The following PCLO variants were observed in gnomAD, a reference collection of about 807,000 sequenced individuals.
The protein encoded by PCLO is protein piccolo.
PCLO carries 82 observed loss-of-function variants against 427.5 expected under a neutral mutation model. That is an observed-to-expected ratio of 0.19 (90% CI 0.16 to 0.23). The LOEUF is 0.23. Among genes scored for constraint, PCLO ranks in the 10% least tolerant of loss-of-function variants. PCLO has a pLI of 1.00. For synonymous variants in PCLO, 2,357 were observed against 2,155.4 expected, an observed-to-expected ratio of 1.09 and a Z score of -2.59; for missense variants, 6,239 against 6,115.9, an observed-to-expected ratio of 1.02 and a Z score of -0.67.
chr7:82,771,614 T>C (rs1790648735), intron 22 of PCLO, among the ~76,000 whole-genome samples: 1 of 151,978 alleles, frequency 6.6e-6, no homozygotes, highest in African/African-American at 2.4e-5. Context: ...ACCCTCACTT[T>C]AAAAAAAGGA....
intron 10 of PCLO, among the ~76,000 whole-genome samples, chr7:82,850,582 A>G (rs1352292026): frequency 2.0e-5 from 3 of 152,142 alleles, no homozygotes; most frequent in Non-Finnish European, 4.4e-5. Context: ...TTCTTGATCT[A>G]TATTTAATAT....
chr7:82,897,487 C>T (rs969640915), intron 9 of PCLO, among the ~76,000 whole-genome samples: 1 of 151,480 alleles, frequency 6.6e-6, no homozygotes, highest in African/African-American at 2.4e-5. Flanking sequence ...TGTGTGTATA[C>T]ACACACATAC....
In PCLO at chr7:83,004,655, A is replaced by G. The variant is rs1222298179; in HGVS notation, c.3301-38168T>C. Among the ~76,000 whole-genome samples the G allele has an allele frequency of 3.3e-5, 5 of 151,712 alleles. No individual in the cohort carries two copies. The Admixed American group carries it at 3.3e-4, about 10-fold the overall frequency. ...ACACTAAAAAACATAACACTAAAAA[A>G]CAAAAGCAAAGTAAACAAGTTGACT... On this transcript the variant is annotated intron_variant, in intron 3 of 24. Transcript: ENST00000333891.
chr7:82,853,465 C>T lies in PCLO; in HGVS notation c.13655-6218G>A, dbSNP rs142403613. Among the ~76,000 whole-genome samples the T allele has an allele frequency of 1.0e-3, 153 of 151,998 alleles. 3 individuals are homozygous for T. The East Asian group carries it at 0.027, about 26-fold the overall frequency. ...CTAGGACACTGTTTCTTGAGATGTA[C>T]TGGAAGGAAGGTACTCTGAATTTCC... is the stretch of plus-strand genomic sequence containing the variant. On this transcript the variant is annotated intron_variant, in intron 10 of 24. Coordinates refer to ENST00000333891, the MANE Select transcript of PCLO (RefSeq NM_033026.6).
Position 82,915,894 on chromosome 7 carries a change from G to T in PCLO, c.12092C>A (p.Ala4031Glu). 6.2e-7 allele frequency: 1 copy of T among 1,613,422 alleles called. No homozygotes were observed. The highest frequency in any genetic ancestry group is 2.2e-5 in the East Asian group (1 of 44,840). ...MASSPISSIS[A>E]DSFYADIDHH... The stretch of plus-strand genomic sequence containing the variant: ...ATCAATATCTGCATAGAAAGAATCT[G>T]CAGATATGCTTGATATTGGACTGCT... Residue 4031 changes from alanine to glutamate, a missense_variant, in exon 7 of 25, where the codon GCA (alanine) becomes GAA (glutamate). Physicochemically the swap from Ala to Glu is moderately radical, Grantham distance 107. Transcript: ENST00000333891.
chr7:82,933,641 A>G (rs1299128794), intron 6 of PCLO, among the ~76,000 whole-genome samples: 1 of 151,850 alleles, frequency 6.6e-6, no homozygotes, highest in Non-Finnish European at 1.5e-5. Context: ...AAACTGTGAT[A>G]TATTTTCAAT....
chr7:83,120,606 A>G (rs1028746556), intron 3 of PCLO, among the ~76,000 whole-genome samples: 36 of 152,020 alleles, frequency 2.4e-4, no homozygotes, highest in African/African-American at 8.7e-4. Flanking sequence ...AAAAAAGAAG[A>G]AAATAACATA....
rs7784251 is a variant in PCLO, at chr7:83,038,099, A to C, written c.3301-71612T>G. Among the ~76,000 whole-genome samples the C allele has an allele frequency of 3.1e-4, 35 of 111,142 alleles. 1 individual carries two copies. The highest frequency in any genetic ancestry group is 4.4e-4 in the Non-Finnish European group (24 of 54,764). 72.9% of individuals were successfully genotyped at this position (111,142 alleles called of 152,430 possible). ...TATATATATATCTTTATATATATAT[A>C]TTTATATATGTATATATATGCACAC... On this transcript the variant is annotated intron_variant, in intron 3 of 24. Coordinates refer to ENST00000333891, the MANE Select transcript of PCLO (RefSeq NM_033026.6).
intron 10 of PCLO, among the ~76,000 whole-genome samples, chr7:82,859,750 G>A (rs142545905): frequency 6.6e-6 from 1 of 152,226 alleles, no homozygotes; most frequent in East Asian, 1.9e-4. Context: ...AACAATCCTG[G>A]AGAAACAAAG....
chr7:82,819,632 A>G (rs150051095), intron 20 of PCLO, among the ~76,000 whole-genome samples: 32 of 152,292 alleles, frequency 2.1e-4, no homozygotes, highest in African/African-American at 7.0e-4. Flanking sequence ...TGGGCTGAGT[A>G]ACACATATTC....
chr7:82,756,355 T>C lies in PCLO; in HGVS notation c.*2220A>G, dbSNP rs532052285. The C allele has an allele frequency of 6.6e-6, 1 of 152,136 alleles. No homozygotes were observed. Among genetic ancestry groups the C allele is most frequent in the Non-Finnish European group, 1.5e-5 (1 of 68,004 alleles). 9.4% of individuals were successfully genotyped at this position (152,136 alleles called of 1,614,324 possible). A position where few individuals can be genotyped will look rare whatever the true frequency, so the allele number is the denominator to read the frequency against. Reference sequence around the variant, plus strand: ...GCAACCATCAGCAGATCTAATAGTTTCTAAAAATAAAATACTAGCAATATA... The same window carrying C: ...GCAACCATCAGCAGATCTAATAGTTCCTAAAAATAAAATACTAGCAATATA... On this transcript the variant is annotated 3_prime_UTR_variant, in exon 25 of 25. Coordinates refer to ENST00000333891, the MANE Select transcript of PCLO (RefSeq NM_033026.6).
rs199653139 is a variant in PCLO at position 82,916,445 on chromosome 7, T to C, written c.11541A>G (p.Ile3847Met). 3 of 1,613,758 alleles carry C rather than the reference T, an allele frequency of 1.9e-6. No individual in the cohort carries two copies. The highest frequency in any genetic ancestry group is 2.7e-5 in the African/African-American group (2 of 75,016). The stretch of plus-strand genomic sequence containing the variant: ...GTCGCTCAATGCCATGCTGACTTTC[T>C]ATTCGGGTTGGTCTTGTGCTACTCA... ...SEVSSTRPTR[I>M]ESQHGIERPR... The change falls in exon 7 of 25, where the codon ATA (isoleucine) becomes ATG (methionine). Residue 3847 changes from isoleucine (I) to methionine (M), a missense_variant. Physicochemically the swap from Ile to Met is conservative, Grantham distance 10 (BLOSUM62 1). This residue lies in a region of PCLO where 680 missense variants were observed against 677.3 expected (regional missense o/e 1.00). Coordinates refer to ENST00000333891, the MANE Select transcript of PCLO (RefSeq NM_033026.6).
chr7:82,939,205 C>A (rs11980699), intron 6 of PCLO, among the ~76,000 whole-genome samples: 6,089 of 152,026 alleles, frequency 0.04, 434 homozygotes, highest in African/African-American at 0.14. Flanking sequence ...AAATGTAAAT[C>A]TCTAATTATT....
intron 6 of PCLO, among the ~76,000 whole-genome samples, chr7:82,925,345 T>C (rs1054464443): frequency 1.1e-4 from 17 of 152,200 alleles, no homozygotes; most frequent in Admixed American, 5.9e-4. Context: ...GGAATTTAGG[T>C]TGGGAGAGGA....
intron 22 of PCLO, among the ~76,000 whole-genome samples, chr7:82,793,655 ACTCTTC>A (rs1791155010): frequency 6.6e-6 from 1 of 151,770 alleles, no homozygotes; most frequent in African/African-American, 2.4e-5. Flanking sequence ...CTGCTAATGA[ACTCTTC>A]ATATTTGATA....
intron 22 of PCLO, among the ~76,000 whole-genome samples, chr7:82,796,741 G>A (rs1211653819): frequency 1.3e-5 from 2 of 149,398 alleles, no homozygotes; most frequent in African/African-American, 5.0e-5. Flanking sequence ...CAACCAATCT[G>A]AATGGATCCT....
chr7:83,150,964 G>A (rs968568260), intron 2 of PCLO, among the ~76,000 whole-genome samples: 1 of 152,138 alleles, frequency 6.6e-6, no homozygotes, highest in Non-Finnish European at 1.5e-5. Flanking sequence ...GGATACGTAT[G>A]AAAGTTATGG....
At chr7:83,044,093 C>T (rs1562936073) in intron 3 of PCLO, among the ~76,000 whole-genome samples, 1 of 151,566 alleles carries the variant, frequency 6.6e-6, no homozygotes. Flanking sequence ...ACAACCATGG[C>T]GGAAAGTGAA....
rs562855400 is a variant in PCLO at position 82,915,526 on chromosome 7, T to A, written c.12460A>T (p.Ser4154Cys). The A allele has an allele frequency of 6.2e-6, 10 of 1,613,616 alleles. No homozygotes were observed. The highest frequency in any genetic ancestry group is 8.5e-6 in the Non-Finnish European group (10 of 1,179,718). The change falls in exon 7 of 25, where the codon AGC becomes TGC. Residue 4154 changes from serine (S) to cysteine (C), a missense_variant. This residue lies in a region of PCLO where 680 missense variants were observed against 677.3 expected (regional missense o/e 1.00). Transcript: ENST00000333891. ...GLSHYYHADT[S>C]YRHFPKSEKY... ...TCAGATTTTGGAAAATGTCTGTAGCTAGTATCAGCATGGTAATAATGAGAA... is the reference window on the plus strand; with the variant it reads ...TCAGATTTTGGAAAATGTCTGTAGCAAGTATCAGCATGGTAATAATGAGAA...
Sources: allele counts gnomAD v4.1 joint callset (sites outside exome capture counted in the v4.1 genomes callset), GRCh38; gene constraint gnomAD v4.1.1; regional missense constraint gnomAD v4.1.1; transcripts MANE v1.5; gene names NCBI Gene and HGNC (gene_info 2026-07-23, HGNC 2026-07-21).